LRRIQ1: variants seen among roughly 807,000 people sequenced by gnomAD.
The protein encoded by LRRIQ1 is leucine-rich repeat- and IQ domain-containing protein 1.
A neutral mutation model predicts 211.9 loss-of-function variants in LRRIQ1; 210 were observed. That is an observed-to-expected ratio of 0.99 (90% CI 0.89 to 1.11). LRRIQ1 has a LOEUF of 1.11. LRRIQ1 is among the 50% of genes most tolerant of loss of function. The pLI is 0.00. For missense variants in LRRIQ1, 2,136 were observed against 1,939.5 expected (o/e 1.10, Z -1.90); for synonymous variants, 699 against 650.1 (o/e 1.08, Z -1.14).
intron 24 of LRRIQ1, among the ~76,000 whole-genome samples, chr12:85,217,508 A>ATATATGTATATATATATATATATG (rs1216212048): frequency 1.6e-5 from 1 of 64,270 alleles, no homozygotes; most frequent in African/African-American, 9.5e-5. Context: ...ATATATATAT[A>ATATATGTATATATATATATATATG]TGTGTGTGTG....
intron 26 of LRRIQ1, among the ~76,000 whole-genome samples, chr12:85,239,598 A>G (rs1008950246): frequency 5.9e-5 from 9 of 152,070 alleles, no homozygotes; most frequent in Non-Finnish European, 1.3e-4. Context: ...CTATATGGAA[A>G]AAGAATCTTG....
intron 1 of LRRIQ1, among the ~76,000 whole-genome samples, chr12:85,253,451 A>G (rs1367702326): frequency 6.6e-6 from 1 of 152,100 alleles, no homozygotes; most frequent in African/African-American, 2.4e-5. Flanking sequence ...GTACTGGACC[A>G]GCACCTGTTA....
chr12:85,125,612 A>G (rs560467170), intron 17 of LRRIQ1, among the ~76,000 whole-genome samples: 1 of 152,254 alleles, frequency 6.6e-6, no homozygotes, highest in Admixed American at 6.5e-5. Context: ...AAAAGTTGTC[A>G]GGGTAAAGAG....
chr12:85,098,312 A>G (rs759596491), intron 11 of LRRIQ1, 43 bp from the exon 12 acceptor site: 131 of 1,311,934 alleles, frequency 1.0e-4, no homozygotes, highest in Non-Finnish European at 1.2e-4. Context: ...TAGAGTCTGG[A>G]AGACTGTATG....
chr12:85,101,371 A>G (rs550579533), intron 13 of LRRIQ1, among the ~76,000 whole-genome samples: 15 of 151,924 alleles, frequency 9.9e-5, no homozygotes, highest in Admixed American at 5.9e-4. Flanking sequence ...TTCTAACTGG[A>G]TGACTCTCTG....
intron 15 of LRRIQ1, among the ~76,000 whole-genome samples, chr12:85,114,373 A>G (rs1887416946): frequency 6.6e-6 from 1 of 152,146 alleles, no homozygotes; most frequent in South Asian, 2.1e-4. Context: ...AGCAAAAATG[A>G]CATGAATTAT....
Position 85,056,473 on chromosome 12 carries a change from C to T in LRRIQ1, c.1680C>T (p.Asn560=). The change falls in exon 8 of 27, where the codon AAC becomes AAT. Residue 560 remains asparagine, a synonymous_variant. Transcript: ENST00000393217. ...GQKTQIILGH[N]QEISEVKTNE... is the part of the protein sequence containing the mutation. ...AAACCCAGATAATATTAGGACATAA[C>T]CAAGAAATCAGTGAGGTGAAAACCA... 2 of 1,610,438 alleles carry T rather than the reference C, an allele frequency of 1.2e-6. No homozygotes were observed. The highest frequency in any genetic ancestry group is 8.5e-7 in the Non-Finnish European group (1 of 1,178,754).
intron 26 of LRRIQ1, among the ~76,000 whole-genome samples, chr12:85,243,313 T>TTTATTATTATTA (rs10682844): frequency 1.5e-4 from 21 of 140,720 alleles, no homozygotes; most frequent in Middle Eastern, 3.7e-3. Flanking sequence ...ATGTATAACT[T>TTTATTATTATTA]TTATTATTAT....
Position 85,056,856 on chromosome 12 carries a change from GTAAC to G in LRRIQ1, c.2066_2069del (p.Asn689IlefsTer36). The G allele has an allele frequency of 6.2e-7, 1 of 1,613,368 alleles. No individual in the cohort carries two copies. The highest frequency in any genetic ancestry group is 2.2e-5 in the East Asian group (1 of 44,848). ...AGACATGCTCCTTGTGAGGGCTTGAGTAACTATAATGCAGAAAGCTCCATGGTAT... is the reference window on the plus strand; with the variant it reads ...AGACATGCTCCTTGTGAGGGCTTGAGTATAATGCAGAAAGCTCCATGGTAT... On this transcript the variant is annotated frameshift_variant, in exon 8 of 27. Transcript: ENST00000393217. LOFTEE classifies it high-confidence loss of function.
intron 24 of LRRIQ1, among the ~76,000 whole-genome samples, chr12:85,193,181 C>G (rs1027714492): frequency 8.3e-6 from 1 of 120,776 alleles, no homozygotes; most frequent in Non-Finnish European, 1.6e-5. Context: ...GTGAAAAGAC[C>G]AAATCTACAT....
chr12:85,137,775 A>G, intron 18 of LRRIQ1, 75 bp from the exon 19 acceptor site: 3 of 1,260,238 alleles, frequency 2.4e-6, no homozygotes, highest in Non-Finnish European at 3.2e-6. Context: ...TTATCTTCCT[A>G]ATGGGATAAC....
intron 24 of LRRIQ1, among the ~76,000 whole-genome samples, chr12:85,171,198 T>C (rs1314749920): frequency 1.3e-5 from 2 of 152,270 alleles, no homozygotes; most frequent in East Asian, 3.9e-4. Context: ...ATTGAAAGTT[T>C]ATAACTTAAA....
At chr12:85,198,033 CAT>C (rs1450681269) in intron 24 of LRRIQ1, among the ~76,000 whole-genome samples, 5 of 66,408 alleles carry the variant, frequency 7.5e-5, no homozygotes, top group South Asian at 6.4e-4. Flanking sequence ...TTATATATAA[CAT>C]ATATAATATA....
chr12:85,056,272 A>C lies in LRRIQ1; in HGVS notation c.1479A>C (p.Ser493=). The C allele has an allele frequency of 6.3e-7, 1 of 1,580,352 alleles. No homozygotes were observed. Reference sequence around the variant, plus strand: ...AAAACCTAGCAAAAAAACGATGTTCAGAAGAATTGGTCAAGCAAGAAAGAA... The same window carrying C: ...AAAACCTAGCAAAAAAACGATGTTCCGAAGAATTGGTCAAGCAAGAAAGAA... ...KNENLAKKRC[S]EELVKQERKY... The change falls in exon 8 of 27, where the codon TCA becomes TCC. Residue 493 remains serine (S), a synonymous_variant. Transcript: ENST00000393217.
chr12:85,170,103 A>G (rs1270145471), intron 24 of LRRIQ1, among the ~76,000 whole-genome samples: 1 of 152,082 alleles, frequency 6.6e-6, no homozygotes, highest in African/African-American at 2.4e-5. Context: ...TGGATAAGGT[A>G]GATTCAGGGA....
chr12:85,268,407 A>G (rs186766101), downstream of LRRIQ1, among the ~76,000 whole-genome samples: 46 of 152,114 alleles, frequency 3.0e-4, no homozygotes, highest in African/African-American at 1.0e-3. Flanking sequence ...GCAATGCTCT[A>G]TACTCAAAAA....
intron 2 of LRRIQ1, among the ~76,000 whole-genome samples, chr12:85,038,953 C>G (rs1345063661): frequency 6.6e-6 from 1 of 151,146 alleles, no homozygotes; most frequent in African/African-American, 2.4e-5. Flanking sequence ...GGACCAAATT[C>G]TTCACATCTT....
intron 11 of LRRIQ1, among the ~76,000 whole-genome samples, chr12:85,077,674 G>A (rs994927292): frequency 2.0e-5 from 3 of 151,944 alleles, no homozygotes; most frequent in Non-Finnish European, 4.4e-5. Context: ...CAGGCATGGT[G>A]GCTTACACCT....
intron 24 of LRRIQ1, among the ~76,000 whole-genome samples, chr12:85,225,097 A>T (rs934961686): frequency 8.5e-5 from 13 of 152,078 alleles, no homozygotes; most frequent in South Asian, 8.3e-4. Flanking sequence ...GATTAAAAAA[A>T]TTTTTTTTAA....
Sources: gnomAD v4.1 joint callset for allele counts (sites outside exome capture counted in the v4.1 genomes callset) on GRCh38, gnomAD v4.1.1 for gene constraint, MANE v1.5 for transcripts, NCBI Gene and HGNC (gene_info 2026-07-23, HGNC 2026-07-21) for gene names.